SYNJ1: variants seen among roughly 807,000 people sequenced by gnomAD.
SYNJ1 encodes the protein polyphosphatidylinositol phosphatase SYNJ1.
In SYNJ1, 78 loss-of-function variants were observed where a neutral mutation model predicts 168.2. The ratio of observed to expected loss-of-function variants is 0.46; its 90% confidence interval spans 0.39 to 0.56. The LOEUF (loss-of-function observed/expected upper bound fraction) is 0.56, where lower values mean the gene tolerates loss of function less well. Among genes scored for constraint, SYNJ1 ranks in the 20% least tolerant of loss-of-function variants. SYNJ1 has a pLI of 0.00. For missense variants in SYNJ1, 1,303 were observed against 1,597.6 expected, an observed-to-expected ratio of 0.82 and a Z score of 3.14; for synonymous variants, 539 against 548.6, an observed-to-expected ratio of 0.98 and a Z score of 0.24.
rs777999783 is a variant in SYNJ1 at position 32,686,971 on chromosome 21, T to C, written c.948+7A>G. ...GCCAGAATGAAATAAGAAATGACCA[T>C]ACTTACCTGGAAAGCTTTACTTAGC... On this transcript the variant is annotated splice_region_variant and intron_variant, in intron 8 of 32. Transcript: ENST00000674351. 6 of 1,516,254 alleles carry C rather than the reference T, an allele frequency of 4.0e-6. No individual in the cohort carries two copies. Among genetic ancestry groups the C allele is most frequent in the Admixed American group, 2.3e-5 (1 of 43,378 alleles). The allele number at this position is 1,516,254 out of a possible 1,614,324, so 93.9% of individuals were successfully genotyped here. A position where few individuals can be genotyped will look rare whatever the true frequency, so the allele number is the denominator to read the frequency against.
Position 32,673,392 on chromosome 21 carries a change from G to C in SYNJ1, c.1674C>G (p.Leu558=). ...FRSIAFKNQT[L]TDWLLDAPKL... Reference sequence around the variant, plus strand: ...TGGGTGCATCAAGAAGCCAGTCAGTGAGTGTCTGATTCTTAAAAGCTATGC... The same window carrying C: ...TGGGTGCATCAAGAAGCCAGTCAGTCAGTGTCTGATTCTTAAAAGCTATGC... Residue 558 remains leucine, a synonymous_variant, in exon 14 of 33, where the codon CTC becomes CTG. Transcript: ENST00000674351. 1 of 1,613,554 alleles carries C rather than the reference G, an allele frequency of 6.2e-7. No individual in the cohort carries two copies. The highest frequency in any genetic ancestry group is 2.2e-5 in the East Asian group (1 of 44,836).
intron 14 of SYNJ1, chr21:32,670,708 G>A (rs2041152532): frequency 1.3e-6 from 1 of 781,538 alleles, no homozygotes; most frequent in African/African-American, 1.9e-5. Context: ...AAACTGGAGA[G>A]AGAAATTATT....
In SYNJ1 at chr21:32,643,426, A is replaced by G. The variant is rs1359464034; in HGVS notation, c.3462T>C (p.Ala1154=). Residue 1154 remains alanine (A), a synonymous_variant, in exon 27 of 33, where the codon GCT becomes GCC. Coordinates refer to ENST00000674351, the MANE Select transcript of SYNJ1 (RefSeq NM_203446.3). ...GIGAPPSPGV[A]RREMEAPKSP... is the part of the protein sequence containing the mutation. ...TCTTGTTACCTTCCATCTCTCTCCT[A>G]GCTACCCCAGGACTGGGAGGGGCTC... 1 of 1,613,656 alleles carries G rather than the reference A, an allele frequency of 6.2e-7. No homozygotes were observed. The highest frequency in any genetic ancestry group is 1.3e-5 in the African/African-American group (1 of 74,894).
chr21:32,677,974 A>T (rs2041477076), intron 12 of SYNJ1, among the ~76,000 whole-genome samples: 1 of 152,188 alleles, frequency 6.6e-6, no homozygotes, highest in South Asian at 2.1e-4. Context: ...AGAAAGAAAA[A>T]GTAAGTCTAA....
At position 32,646,499 on chromosome 21, in the gene SYNJ1, T is replaced by G; in HGVS notation, c.3141A>C (p.Arg1047=). The change falls in exon 24 of 33, where the codon CGA becomes CGC. Residue 1047 remains arginine (R), a synonymous_variant. Transcript: ENST00000674351. The part of the protein sequence containing the change: ...GLGTSPSSSP[R]TSPCQSPTIS... ...TTGTAGGTGACTGGCAGGGACTAGT[T>G]CGGGGTGAAGAGCTGGGGGAAGTAC... 6.2e-7 allele frequency: 1 copy of G among 1,614,082 alleles called. No homozygotes were observed. The highest frequency in any genetic ancestry group is 1.3e-5 in the African/African-American group (1 of 75,016).
At chr21:32,651,900 CATAAGAGGTAGTAAGAAAATAGCTT>C (rs1272313890) in intron 22 of SYNJ1, among the ~76,000 whole-genome samples, 1 of 152,108 alleles carries the variant, frequency 6.6e-6, no homozygotes, top group African/African-American at 2.4e-5. Context: ...CTGACACAGT[CATAAGAGGTAGTAAGAAAATAGCTT>C]TATAACACGG....
chr21:32,718,126 T>A lies in SYNJ1; in HGVS notation c.124+8646A>T, dbSNP rs112528467. On this transcript the variant is annotated intron_variant, in intron 2 of 32. Transcript: ENST00000674351. The stretch of plus-strand genomic sequence containing the variant: ...TGGTCAGAAGCTCCCGTTATAGTCC[T>A]GAGTTACGTATATTTTATAGGACAA... Among the ~76,000 whole-genome samples the A allele has an allele frequency of 7.2e-5, 11 of 152,334 alleles. 1 individual carries two copies. Among genetic ancestry groups the A allele is most frequent in the African/African-American group, 2.6e-4 (11 of 41,574 alleles).
intron 32 of SYNJ1, among the ~76,000 whole-genome samples, chr21:32,633,657 C>A (rs1392302268): frequency 6.6e-6 from 1 of 152,152 alleles, no homozygotes; most frequent in Non-Finnish European, 1.5e-5. Context: ...AAAACAGCAG[C>A]AGTCTCAATA....
intron 6 of SYNJ1, among the ~76,000 whole-genome samples, chr21:32,688,837 C>T (rs1189610025): frequency 3.9e-5 from 6 of 152,148 alleles, no homozygotes; most frequent in Non-Finnish European, 7.4e-5. Flanking sequence ...ATTCCTACTC[C>T]TCCAAGCTGC....
intron 7 of SYNJ1, among the ~76,000 whole-genome samples, chr21:32,687,419 A>T (rs144943270): frequency 4.6e-5 from 7 of 152,322 alleles, no homozygotes; most frequent in African/African-American, 1.7e-4. Flanking sequence ...TGCTGCTCAC[A>T]TGTGAGGACA....
At chr21:32,653,165 G>C (rs562604360) in intron 22 of SYNJ1, 123 bp downstream of exon 22, 1 of 755,740 alleles carries the variant, frequency 1.3e-6, no homozygotes, top group Non-Finnish European at 2.1e-6. Flanking sequence ...ATAACTCCTC[G>C]AACATACCAT....
intron 31 of SYNJ1, among the ~76,000 whole-genome samples, chr21:32,636,292 ATAAG>A (rs2039562064): frequency 6.6e-6 from 1 of 152,212 alleles, no homozygotes; most frequent in South Asian, 2.1e-4. Flanking sequence ...AGTCAGATAG[ATAAG>A]TGAGGATTTT....
intron 18 of SYNJ1, among the ~76,000 whole-genome samples, chr21:32,661,978 G>A (rs545008216): frequency 1.3e-5 from 2 of 152,280 alleles, no homozygotes; most frequent in South Asian, 4.1e-4. Flanking sequence ...ATCGCATGTG[G>A]ATCAAGGACT....
At chr21:32,705,385 T>C (rs966970364) in intron 2 of SYNJ1, among the ~76,000 whole-genome samples, 1 of 152,130 alleles carries the variant, frequency 6.6e-6, no homozygotes, top group African/African-American at 2.4e-5. Flanking sequence ...TAGCATTCCT[T>C]GGAGAAATGG....
At chr21:32,728,086 G>A, upstream of SYNJ1, 1 of 1,515,122 alleles carries the variant, frequency 6.6e-7, no homozygotes, top group Non-Finnish European at 8.8e-7. Context: ...CGAGGGAAGG[G>A]GCGGGGCATC....
intron 27 of SYNJ1, 129 bp from the exon 28 acceptor site, chr21:32,642,262 A>AAAGTG: frequency 3.1e-6 from 3 of 973,536 alleles, no homozygotes; most frequent in Non-Finnish European, 4.8e-6. Flanking sequence ...AAAACAAAGC[A>AAAGTG]CTTTGCTTTG....
chr21:32,722,887 G>T (rs2043300049), intron 2 of SYNJ1, among the ~76,000 whole-genome samples: 1 of 152,100 alleles, frequency 6.6e-6, no homozygotes, highest in African/African-American at 2.4e-5. Flanking sequence ...CCCCATAAAA[G>T]ACAACAGCAC....
chr21:32,638,294 A>G (rs1490525866), intron 31 of SYNJ1, among the ~76,000 whole-genome samples: 1 of 152,170 alleles, frequency 6.6e-6, no homozygotes, highest in Non-Finnish European at 1.5e-5. Flanking sequence ...TTGAACTTGC[A>G]GGCTCAAGGG....
chr21:32,723,722 G>A (rs2043336628), intron 2 of SYNJ1, among the ~76,000 whole-genome samples: 1 of 152,178 alleles, frequency 6.6e-6, no homozygotes, highest in African/African-American at 2.4e-5. Context: ...TCAGGAGGCT[G>A]AGGCAGGAGG....
Sources: allele counts gnomAD v4.1 joint callset (sites outside exome capture counted in the v4.1 genomes callset), GRCh38; gene constraint gnomAD v4.1.1; transcripts MANE v1.5; gene names NCBI Gene and HGNC (gene_info 2026-07-23, HGNC 2026-07-21).